Variants in EN2 observed in about 807,000 individuals in gnomAD.
The protein encoded by EN2 is engrailed homeobox 2.
Under a neutral mutation model 25.0 loss-of-function variants are expected in EN2, and 7 were observed. The ratio of observed to expected loss-of-function variants is 0.28; its 90% CI spans 0.16 to 0.53. EN2 has a LOEUF of 0.53. Among genes scored for constraint, EN2 ranks in the 20% least tolerant of loss-of-function variants. The probability of loss-of-function intolerance (pLI) is 0.96; values close to 1 mark genes in which losing one functional copy is unlikely to be tolerated. For synonymous variants in EN2, 277 were observed against 243.3 expected (o/e 1.14, Z -1.29); for missense variants, 524 against 501.8 (o/e 1.04, Z -0.42).
Position 155,462,823 on chromosome 7 carries a change from T to G in EN2, c.*136T>G. 1 of 1,087,704 alleles carries G rather than the reference T, an allele frequency of 9.2e-7. No individual in the cohort carries two copies. The highest frequency in any genetic ancestry group is 1.3e-6 in the Non-Finnish European group (1 of 789,310). 67.4% of individuals were successfully genotyped at this position (1,087,704 alleles called of 1,614,324 possible). On this transcript the variant is annotated 3_prime_UTR_variant, in exon 2 of 2. Coordinates refer to ENST00000297375, the MANE Select transcript of EN2 (RefSeq NM_001427.4). ...TGTATTAGCTAAGGTTCTGAAATAT[T>G]CTATGTATATATCATTTACAGGTGG...
rs776920563 is a variant in EN2 at position 155,462,591 on chromosome 7, C to T, written c.906C>T (p.Ala302=). Residue 302 remains alanine, a synonymous_variant, in exon 2 of 2, where the codon GCC becomes GCT. Coordinates refer to ENST00000297375, the MANE Select transcript of EN2 (RefSeq NM_001427.4). ...ACAAGCGCGCCAAGATCAAGAAGGCCACGGGCAACAAGAACACGCTGGCCG... is the reference window on the plus strand; with the variant it reads ...ACAAGCGCGCCAAGATCAAGAAGGCTACGGGCAACAAGAACACGCTGGCCG... ...FQNKRAKIKK[A]TGNKNTLAVH... The T allele has an allele frequency of 3.1e-5, 50 of 1,613,994 alleles. No homozygotes were observed. The highest frequency in any genetic ancestry group is 3.9e-5 in the Non-Finnish European group (46 of 1,180,024).
In EN2 at chr7:155,462,289, G is replaced by GC; in HGVS notation, c.686-78dup. ...TTGGGCGAGTCACTTCCCTCTTGGG[G>GC]CCCCAGAATCCTTACCCGGTGCCTA... is the stretch of plus-strand genomic sequence containing the variant. On this transcript the variant is annotated intron_variant, in intron 1 of 1. Coordinates refer to ENST00000297375, the MANE Select transcript of EN2 (RefSeq NM_001427.4). The GC allele has an allele frequency of 2.0e-6, 3 of 1,490,454 alleles. No homozygotes were observed. The South Asian group carries it at 4.1e-5, about 20-fold the overall frequency. 92.3% of individuals were successfully genotyped at this position (1,490,454 alleles called of 1,614,324 possible).
In EN2 at chr7:155,463,178, C is replaced by T. The variant is rs1359672471; in HGVS notation, c.*491C>T. On this transcript the variant is annotated 3_prime_UTR_variant, in exon 2 of 2. Transcript: ENST00000297375. ...GTGAGGACAGCAGGAGGGGCCCACA[C>T]CTCAAGCCTGGACCAGCCACCTCAA... The T allele has an allele frequency of 6.5e-6, 1 of 154,460 alleles. No individual in the cohort carries two copies. Among genetic ancestry groups the T allele is most frequent in the African/African-American group, 2.4e-5 (1 of 41,462 alleles). 9.6% of individuals were successfully genotyped at this position (154,460 alleles called of 1,614,324 possible). A position where few individuals can be genotyped will look rare whatever the true frequency, so the allele number is the denominator to read the frequency against.
In EN2 at chr7:155,459,082, G is replaced by A. The variant is rs1795665437; in HGVS notation, c.685+20G>A. The A allele has an allele frequency of 7.7e-6, 12 of 1,558,372 alleles. No homozygotes were observed. Among genetic ancestry groups the A allele is most frequent in the Non-Finnish European group, 7.7e-6 (9 of 1,162,720 alleles). ...CTTCAGGTGAGCCCGCGGGGACCAC[G>A]CGTCCCGGCTCGCCGCGGGGAGGCC... On this transcript the variant is annotated intron_variant, in intron 1 of 1. Coordinates refer to ENST00000297375, the MANE Select transcript of EN2 (RefSeq NM_001427.4).
intron 1 of EN2, among the ~76,000 whole-genome samples, chr7:155,459,450 G>T (rs939240125): frequency 7.9e-5 from 12 of 152,152 alleles, no homozygotes; most frequent in Middle Eastern, 3.2e-3. Flanking sequence ...TGGAAGATGG[G>T]CCCGGAAGTG....
chr7:155,464,255 A>G lies in EN2; in HGVS notation c.*1568A>G, dbSNP rs545735475. 6.6e-6 allele frequency: 1 copy of G among 152,010 alleles called. No homozygotes were observed. The highest frequency in any genetic ancestry group is 2.4e-5 in the African/African-American group (1 of 41,212). The allele number at this position is 152,010 out of a possible 1,614,324, so 9.4% of individuals were successfully genotyped here. A position where few individuals can be genotyped will look rare whatever the true frequency, so the allele number is the denominator to read the frequency against. On this transcript the variant is annotated 3_prime_UTR_variant, in exon 2 of 2. Transcript: ENST00000297375. Reference sequence around the variant, plus strand: ...CAAGTACCTATATATGTATATAAACAAACACATTATCTATATATAACGCCA... The same window carrying G: ...CAAGTACCTATATATGTATATAAACGAACACATTATCTATATATAACGCCA...
In EN2 at chr7:155,459,053, CCTT is replaced by C. The variant is rs1243219812; in HGVS notation, c.681_683del (p.Ser228del). The C allele has an allele frequency of 1.3e-6, 2 of 1,578,322 alleles. No individual in the cohort carries two copies. The highest frequency in any genetic ancestry group is 1.7e-5 in the Admixed American group (1 of 58,462). On this transcript the variant is annotated inframe_deletion, in exon 1 of 2. Transcript: ENST00000297375. ...CTACTGTACGCGCTACTCGGACCGG[CCTT>C]CTTCAGGTGAGCCCGCGGGGACCAC...
Position 155,464,660 on chromosome 7 carries a change from G to A in EN2, c.*1973G>A, listed in dbSNP as rs1795738662. 1 of 152,578 alleles carries A rather than the reference G, an allele frequency of 6.6e-6. No individual in the cohort carries two copies. The highest frequency in any genetic ancestry group is 1.9e-4 in the East Asian group (1 of 5,204). The allele number at this position is 152,578 out of a possible 1,614,324, so 9.5% of individuals were successfully genotyped here. A position where few individuals can be genotyped will look rare whatever the true frequency, so the allele number is the denominator to read the frequency against. ...TTTGTTGTTTTAGTTTATAAAACAT[G>A]TGCATTTTACAGTTCCAGTATCAAA... On this transcript the variant is annotated 3_prime_UTR_variant, in exon 2 of 2. Coordinates refer to ENST00000297375, the MANE Select transcript of EN2 (RefSeq NM_001427.4).
chr7:155,462,631 C>A lies in EN2; in HGVS notation c.946C>A (p.Gln316Lys). 1 of 1,611,874 alleles carries A rather than the reference C, an allele frequency of 6.2e-7. No homozygotes were observed. The highest frequency in any genetic ancestry group is 8.5e-7 in the Non-Finnish European group (1 of 1,178,916). The change falls in exon 2 of 2, where the codon CAG becomes AAG. Residue 316 changes from glutamine (Q) to lysine (K), a missense_variant. Transcript: ENST00000297375. ...CACGCTGGCCGTGCACCTCATGGCA[C>A]AGGGCTTGTACAACCACTCCACCAC... The part of the protein sequence containing the change: ...KNTLAVHLMA[Q>K]GLYNHSTTAK...
In EN2 at chr7:155,458,879, A is replaced by C; in HGVS notation, c.502A>C (p.Lys168Gln). 1 of 1,494,704 alleles carries C rather than the reference A, an allele frequency of 6.7e-7. No individual in the cohort carries two copies. 92.6% of individuals were successfully genotyped at this position (1,494,704 alleles called of 1,614,324 possible). A position where few individuals can be genotyped will look rare whatever the true frequency, so the allele number is the denominator to read the frequency against. Residue 168 changes from lysine to glutamine, a missense_variant, in exon 1 of 2, where the codon AAG becomes CAG. By Grantham distance (53) the Lys-to-Gln change is moderately conservative. Coordinates refer to ENST00000297375, the MANE Select transcript of EN2 (RefSeq NM_001427.4). ...GACGCTCTCGCTGCACGGTGGCGCC[A>C]AGAAAGGCGGCGACCCCGGCGGCCC... ...SKTLSLHGGA[K>Q]KGGDPGGPLD... is the part of the protein sequence containing the mutation.
At chr7:155,461,352 T>A (rs73734530) in intron 1 of EN2, among the ~76,000 whole-genome samples, 1,608 of 152,328 alleles carry the variant, frequency 0.011, 30 homozygotes, top group African/African-American at 0.036. Flanking sequence ...GAGCCTCTTA[T>A]CACCAAAAAG....
intron 1 of EN2, among the ~76,000 whole-genome samples, chr7:155,462,155 C>T (rs527313546): frequency 6.6e-6 from 1 of 152,318 alleles, no homozygotes; most frequent in South Asian, 2.1e-4. Flanking sequence ...CCCCATAGTC[C>T]CACTTACATC....
rs564053616 is a variant in EN2, at chr7:155,459,099, G to A, written c.685+37G>A. ...GGGACCACGCGTCCCGGCTCGCCGC[G>A]GGGAGGCCCGCGGAGCTGGGGGGCG... On this transcript the variant is annotated intron_variant, in intron 1 of 1. Transcript: ENST00000297375. 165 of 1,526,228 alleles carry A rather than the reference G, an allele frequency of 1.1e-4. No individual in the cohort carries two copies. The African/African-American group carries it at 2.2e-3, about 20-fold the overall frequency. 94.5% of individuals were successfully genotyped at this position (1,526,228 alleles called of 1,614,324 possible). A position where few individuals can be genotyped will look rare whatever the true frequency, so the allele number is the denominator to read the frequency against.
rs1195743663 is a variant in EN2 at position 155,464,249 on chromosome 7, A to G, written c.*1562A>G. 2.0e-5 allele frequency: 3 copies of G among 152,270 alleles called. No homozygotes were observed. The highest frequency in any genetic ancestry group is 4.4e-5 in the Non-Finnish European group (3 of 68,046). 9.4% of individuals were successfully genotyped at this position (152,270 alleles called of 1,614,324 possible). ...TCCCACCAAGTACCTATATATGTAT[A>G]TAAACAAACACATTATCTATATATA... is the stretch of plus-strand genomic sequence containing the variant. On this transcript the variant is annotated 3_prime_UTR_variant, in exon 2 of 2. Transcript: ENST00000297375.
In EN2 at chr7:155,458,278, G is replaced by C; in HGVS notation, c.-100G>C. The C allele has an allele frequency of 8.1e-7, 1 of 1,241,562 alleles. No homozygotes were observed. The highest frequency in any genetic ancestry group is 1.0e-6 in the Non-Finnish European group (1 of 984,434). 76.9% of individuals were successfully genotyped at this position (1,241,562 alleles called of 1,614,324 possible). On this transcript the variant is annotated 5_prime_UTR_variant, in exon 1 of 2. Transcript: ENST00000297375. ...GCGCACGCCCTCGGAAGACTCGGCG[G>C]GGTGGGGGCGCGGGGGTCTCCGTGT...
Position 155,458,713 on chromosome 7 carries a change from C to T in EN2, c.336C>T (p.Gly112=), listed in dbSNP as rs377426405. The change falls in exon 1 of 2, where the codon GGC becomes GGT. Residue 112 remains glycine (G), a synonymous_variant. Coordinates refer to ENST00000297375, the MANE Select transcript of EN2 (RefSeq NM_001427.4). ...GCGGCGCGAGCGGTGCGGAGGGAGG[C>T]GGCGGCGCGGGCGGCTCGGAGCAGC... ...GEGGASGAEG[G]GGAGGSEQLL... is the part of the protein sequence containing the mutation. The T allele has an allele frequency of 7.5e-7, 1 of 1,339,686 alleles. No individual in the cohort carries two copies. Among genetic ancestry groups the T allele is most frequent in the Non-Finnish European group, 9.5e-7 (1 of 1,054,942 alleles). The allele number at this position is 1,339,686 out of a possible 1,614,324, so 83.0% of individuals were successfully genotyped here. A position where few individuals can be genotyped will look rare whatever the true frequency, so the allele number is the denominator to read the frequency against.
rs1795740244 is a variant in EN2 at position 155,464,795 on chromosome 7, T to C, written c.*2108T>C. 1.3e-5 allele frequency: 2 copies of C among 152,350 alleles called. No homozygotes were observed. Among genetic ancestry groups the C allele is most frequent in the African/African-American group, 4.8e-5 (2 of 41,428 alleles). The allele number at this position is 152,350 out of a possible 1,614,324, so 9.4% of individuals were successfully genotyped here. ...TTTGTGTGTTGAAATTCTTGAAGGT[T>C]ACATTAAATAAAACAAAATCTCTTT... is the stretch of plus-strand genomic sequence containing the variant. On this transcript the variant is annotated 3_prime_UTR_variant, in exon 2 of 2. Coordinates refer to ENST00000297375, the MANE Select transcript of EN2 (RefSeq NM_001427.4).
In EN2 at chr7:155,462,729, A is replaced by G; in HGVS notation, c.*42A>G. The G allele has an allele frequency of 6.6e-7, 1 of 1,513,632 alleles. No individual in the cohort carries two copies. The highest frequency in any genetic ancestry group is 8.9e-7 in the Non-Finnish European group (1 of 1,126,294). The allele number at this position is 1,513,632 out of a possible 1,614,324, so 93.8% of individuals were successfully genotyped here. A position where few individuals can be genotyped will look rare whatever the true frequency, so the allele number is the denominator to read the frequency against. On this transcript the variant is annotated 3_prime_UTR_variant, in exon 2 of 2. Transcript: ENST00000297375. ...GCCAGGTCTCAGTCCGCGCTAAACA[A>G]TGCAATAATTTAAAATCATAAAGGG...
In EN2 at chr7:155,458,977, G is replaced by C. The variant is rs80239010; in HGVS notation, c.600G>C (p.Ser200=). The part of the protein sequence containing the change: ...DLSVSSDSDS[S]QAGANLGAQP... ...CGGTGAGCTCGGACTCGGACAGCTC[G>C]CAAGCCGGCGCCAACCTGGGCGCGC... is the stretch of plus-strand genomic sequence containing the variant. Residue 200 remains serine, a synonymous_variant, in exon 1 of 2, where the codon TCG becomes TCC. Transcript: ENST00000297375. 1.5e-3 allele frequency: 2,271 copies of C among 1,545,088 alleles called. 29 individuals are homozygous for C. The African/African-American group carries it at 0.027, about 18-fold the overall frequency.
Sources: allele counts gnomAD v4.1 joint callset (sites outside exome capture counted in the v4.1 genomes callset), GRCh38; gene constraint gnomAD v4.1.1; transcripts MANE v1.5; gene names NCBI Gene and HGNC (gene_info 2026-07-23, HGNC 2026-07-21).